Variants in ST3GAL5 observed in about 807,000 individuals in gnomAD.
ST3GAL5 encodes the protein ST3 beta-galactoside alpha-2,3-sialyltransferase 5.
ST3GAL5 carries 25 observed loss-of-function variants against 46.1 expected under a neutral mutation model. That is an observed-to-expected ratio of 0.54 (90% CI 0.40 to 0.76). The LOEUF is 0.76. Ranked by LOEUF, ST3GAL5 falls within the 30% of genes least tolerant of loss-of-function variation. ST3GAL5 has a pLI of 0.00. For synonymous variants in ST3GAL5, 182 were observed against 192.7 expected (o/e 0.94, Z 0.46); for missense variants, 431 against 521.2 (o/e 0.83, Z 1.69).
chr2:85,864,884 T>G (rs1371191459), intron 1 of ST3GAL5, among the ~76,000 whole-genome samples: 1 of 152,206 alleles, frequency 6.6e-6, no homozygotes, highest in Non-Finnish European at 1.5e-5. Flanking sequence ...CAATGGGATA[T>G]GAGCAGAAGC....
intron 6 of ST3GAL5, among the ~76,000 whole-genome samples, chr2:85,842,762 CTTT>C (rs765907064): frequency 1.4e-5 from 2 of 140,212 alleles, no homozygotes; most frequent in Non-Finnish European, 3.1e-5. Context: ...TGTTCTGTAT[CTTT>C]TTTTTTTTTT....
intron 1 of ST3GAL5, 133 bp downstream of exon 1, chr2:85,888,691 C>A: frequency 1.5e-6 from 1 of 651,916 alleles, no homozygotes; most frequent in South Asian, 7.5e-5. Flanking sequence ...CTGAGGGTGT[C>A]GTGCCCTGGG....
At chr2:85,882,562 G>A (rs1461081439) in intron 1 of ST3GAL5, among the ~76,000 whole-genome samples, 1 of 152,174 alleles carries the variant, frequency 6.6e-6, no homozygotes, top group Non-Finnish European at 1.5e-5. Context: ...GCCAGGTGTA[G>A]TAGCTCACAC....
intron 1 of ST3GAL5, among the ~76,000 whole-genome samples, chr2:85,881,954 A>G (rs1377318029): frequency 6.6e-6 from 1 of 152,224 alleles, no homozygotes; most frequent in Non-Finnish European, 1.5e-5. Context: ...GAGGCCCAGG[A>G]GGAAAAAGTG....
intron 3 of ST3GAL5, among the ~76,000 whole-genome samples, chr2:85,852,241 G>C (rs1236818576): frequency 2.6e-5 from 4 of 152,176 alleles, no homozygotes; most frequent in African/African-American, 7.2e-5. Context: ...AATGAGATGT[G>C]GGAAGGAGCT....
intron 3 of ST3GAL5, among the ~76,000 whole-genome samples, chr2:85,857,097 A>AAAAAAAAAAAT (rs1558669884): frequency 8.3e-5 from 11 of 132,396 alleles, no homozygotes; most frequent in African/African-American, 2.7e-4. Flanking sequence ...AAAAAAAAAA[A>AAAAAAAAAAAT]TAGGCACGTA....
chr2:85,843,478 A>G (rs1001374612), intron 6 of ST3GAL5, among the ~76,000 whole-genome samples: 2 of 152,208 alleles, frequency 1.3e-5, no homozygotes, highest in African/African-American at 4.8e-5. Context: ...TTATTTGATT[A>G]TTGGTAAAGT....
At chr2:85,872,978 G>C (rs1686115178) in intron 1 of ST3GAL5, among the ~76,000 whole-genome samples, 1 of 152,216 alleles carries the variant, frequency 6.6e-6, no homozygotes, top group Non-Finnish European at 1.5e-5. Context: ...CAGCGGCATG[G>C]GGCGGCCGAG....
At chr2:85,849,235 G>C (rs1212071054) in intron 3 of ST3GAL5, 2 of 151,994 alleles carry the variant, frequency 1.3e-5, no homozygotes, top group African/African-American at 4.8e-5. Context: ...TTAAAAAATG[G>C]GTCAGGAGTG....
intron 1 of ST3GAL5, among the ~76,000 whole-genome samples, chr2:85,879,947 T>C (rs1461661610): frequency 2.0e-5 from 3 of 152,208 alleles, no homozygotes; most frequent in African/African-American, 7.2e-5. Context: ...GGTTTTGGAC[T>C]ATAAAAGTGA....
rs1558721969 is a variant in ST3GAL5 at position 85,888,952 on chromosome 2, C to G, written c.-47G>C. ...GGCCGCCAGCCCGGTACCCCGCGCC[C>G]CCACCCGCCCCCAGCGCCGCTCTCG... On this transcript the variant is annotated 5_prime_UTR_variant, in exon 1 of 7. Transcript: ENST00000638572. The G allele has an allele frequency of 8.0e-7, 1 of 1,252,216 alleles. No homozygotes were observed. The highest frequency in any genetic ancestry group is 4.2e-5 in the Admixed American group (1 of 23,676). 77.6% of individuals were successfully genotyped at this position (1,252,216 alleles called of 1,614,324 possible). A position where few individuals can be genotyped will look rare whatever the true frequency, so the allele number is the denominator to read the frequency against.
chr2:85,877,163 A>T lies in ST3GAL5; in HGVS notation c.82+11661T>A, dbSNP rs577699381. On this transcript the variant is annotated intron_variant, in intron 1 of 6. Coordinates refer to ENST00000638572, the MANE Select transcript of ST3GAL5 (RefSeq NM_003896.4). ...AAAAACAAAGACATCCCCTTTAAAC[A>T]ACCACAGCATAATCATAATTAGGAA... Among the ~76,000 whole-genome samples the T allele has an allele frequency of 2.0e-5, 3 of 152,326 alleles. No homozygotes were observed. In the South Asian group the frequency reaches 6.2e-4, roughly 32 times the overall value.
At chr2:85,853,065 G>T in intron 3 of ST3GAL5, 2 of 1,304,248 alleles carry the variant, frequency 1.5e-6, no homozygotes, top group Non-Finnish European at 2.0e-6. Context: ...TTAACTGCAC[G>T]CAATGCCATC....
chr2:85,870,348 G>T (rs1262113913), intron 1 of ST3GAL5: 1 of 435,608 alleles, frequency 2.3e-6, no homozygotes, highest in African/African-American at 2.0e-5. Context: ...GGCGATGGTG[G>T]TTATAGGCCT....
intron 5 of ST3GAL5, chr2:85,845,083 T>C (rs572050504): frequency 1.6e-4 from 35 of 213,796 alleles, no homozygotes; most frequent in African/African-American, 7.8e-4. Flanking sequence ...ACGTGAAAAG[T>C]TGAATACGTC....
chr2:85,851,651 T>G, intron 3 of ST3GAL5: 1 of 1,289,430 alleles, frequency 7.8e-7, no homozygotes, highest in South Asian at 1.2e-5. Flanking sequence ...TGCTTGCCCA[T>G]AGCTCACAGC....
intron 3 of ST3GAL5, chr2:85,851,598 A>G (rs1462432445): frequency 7.8e-7 from 1 of 1,289,316 alleles, no homozygotes; most frequent in Non-Finnish European, 1.0e-6. Context: ...TCTTTAAGTA[A>G]GTTGAACCGG....
At chr2:85,851,403 C>T in intron 3 of ST3GAL5, 1 of 1,196,214 alleles carries the variant, frequency 8.4e-7, no homozygotes, top group Non-Finnish European at 1.1e-6. Flanking sequence ...TAACAGATCT[C>T]CACTGATTGC....
intron 1 of ST3GAL5, among the ~76,000 whole-genome samples, chr2:85,872,584 CAAAA>C (rs11298476): frequency 1.5e-5 from 2 of 136,852 alleles, no homozygotes; most frequent in African/African-American, 2.7e-5. Context: ...AGCTCCATCT[CAAAA>C]AAAAAAAAAA....
Sources: allele counts gnomAD v4.1 joint callset (sites outside exome capture counted in the v4.1 genomes callset), GRCh38; gene constraint gnomAD v4.1.1; transcripts MANE v1.5; gene names NCBI Gene and HGNC (gene_info 2026-07-23, HGNC 2026-07-21).